Variants in RELCH observed in about 807,000 individuals in gnomAD.
The protein encoded by RELCH is RAB11 binding and LisH domain, coiled-coil and HEAT repeat containing, also known as RAB11-binding protein RELCH.
Under a neutral mutation model 150.3 loss-of-function variants are expected in RELCH, and 41 were observed. The observed-to-expected ratio is 0.27, with a 90% CI of 0.21 to 0.35. RELCH has a LOEUF of 0.35. Among genes scored for constraint, RELCH ranks in the 10% least tolerant of loss-of-function variants. The pLI, the probability that RELCH is intolerant of heterozygous loss-of-function variation, is 1.00. For missense variants in RELCH, 1,092 were observed against 1,467.8 expected (o/e 0.74, Z 4.18); for synonymous variants, 478 against 531.8 (o/e 0.90, Z 1.39).
intron 2 of RELCH, among the ~76,000 whole-genome samples, chr18:62,219,552 A>C (rs1030766182): frequency 7.3e-5 from 11 of 151,234 alleles, no homozygotes; most frequent in African/African-American, 2.7e-4. Flanking sequence ...TTCTGTACTT[A>C]CCTTACACAC....
In RELCH at chr18:62,287,265, T is replaced by A. The variant is rs149993347; in HGVS notation, c.3254-86T>A. 1.2e-4 allele frequency: 88 copies of A among 707,810 alleles called. 1 individual carries two copies. The highest frequency in any genetic ancestry group is 1.0e-3 in the Middle Eastern group (4 of 3,928). 43.8% of individuals were successfully genotyped at this position (707,810 alleles called of 1,614,324 possible). A position where few individuals can be genotyped will look rare whatever the true frequency, so the allele number is the denominator to read the frequency against. ...AGAATTAAAATGAAATTTCATAAAT[T>A]AAAGTGATAAATTATTGTTAAAGTG... On this transcript the variant is annotated intron_variant, in intron 25 of 28. Coordinates refer to ENST00000644646, the MANE Select transcript of RELCH (RefSeq NM_001346231.2).
At chr18:62,291,456 G>A (rs1600260237) in intron 26 of RELCH, 87 bp from the exon 27 acceptor site, 4 of 677,966 alleles carry the variant, frequency 5.9e-6, no homozygotes, top group East Asian at 5.9e-5. Flanking sequence ...ATATAAGAAG[G>A]CTTCTCTTTT....
At chr18:62,303,620 T>C (rs2045761735) in intron 28 of RELCH, among the ~76,000 whole-genome samples, 1 of 152,178 alleles carries the variant, frequency 6.6e-6, no homozygotes, top group Non-Finnish European at 1.5e-5. Flanking sequence ...AAAGCTAGAA[T>C]GTTAAGGAAA....
intron 7 of RELCH, 104 bp from the exon 8 acceptor site, chr18:62,228,201 C>G: frequency 4.3e-6 from 4 of 932,740 alleles, no homozygotes; most frequent in Non-Finnish European, 6.5e-6. Flanking sequence ...GCTACTAATA[C>G]TTTTAAATAT....
chr18:62,226,583 A>T (rs2148404329), intron 5 of RELCH, among the ~76,000 whole-genome samples: 1 of 152,230 alleles, frequency 6.6e-6, no homozygotes, highest in Admixed American at 6.5e-5. Flanking sequence ...AATAGGTACA[A>T]TTTATGTACT....
rs552998434 is a variant in RELCH, at chr18:62,309,341, C to T, written c.*3807C>T. On this transcript the variant is annotated 3_prime_UTR_variant, in exon 29 of 29. Coordinates refer to ENST00000644646, the MANE Select transcript of RELCH (RefSeq NM_001346231.2). The stretch of plus-strand genomic sequence containing the variant: ...TGAATTTTAGACAATTTTCATACTG[C>T]GTAAGAATGTGTTCTGTATGCATTT... The T allele has an allele frequency of 4.6e-5, 7 of 152,124 alleles. No individual in the cohort carries two copies. The highest frequency in any genetic ancestry group is 1.4e-4 in the African/African-American group (6 of 41,534). 9.4% of individuals were successfully genotyped at this position (152,124 alleles called of 1,614,324 possible).
Position 62,187,626 on chromosome 18 carries a change from C to A in RELCH, c.121C>A (p.Leu41Met). 1 of 1,537,334 alleles carries A rather than the reference C, an allele frequency of 6.5e-7. No homozygotes were observed. Among genetic ancestry groups the A allele is most frequent in the Non-Finnish European group, 8.8e-7 (1 of 1,140,334 alleles). Residue 41 changes from leucine to methionine, a missense_variant, in exon 1 of 29, where the codon CTG becomes ATG. Around this residue, in one of 4 missense-constraint regions of RELCH, gnomAD observed 138 missense variants for 124.8 expected, o/e 1.11. Coordinates refer to ENST00000644646, the MANE Select transcript of RELCH (RefSeq NM_001346231.2). ...AGAGGAACGGCGGGCAGTACTTCGG[C>A]TGGGCGCCGGAAGTGGCCTAGATCC... ...ATEERRAVLRLGAGSGLDPGS... is the reference protein window; with the variant it reads ...ATEERRAVLRMGAGSGLDPGS...
intron 1 of RELCH, among the ~76,000 whole-genome samples, chr18:62,191,746 A>G (rs2038657709): frequency 6.6e-6 from 1 of 152,192 alleles, no homozygotes; most frequent in South Asian, 2.1e-4. Flanking sequence ...CTGGCTGCAT[A>G]GTATTCCATG....
At chr18:62,283,024 CAT>C (rs1257522305) in intron 25 of RELCH, among the ~76,000 whole-genome samples, 4 of 152,118 alleles carry the variant, frequency 2.6e-5, no homozygotes, top group Non-Finnish European at 4.4e-5. Context: ...TGCTGTAAGA[CAT>C]ATGAAGAGTA....
intron 1 of RELCH, 30 bp downstream of exon 1, chr18:62,188,061 C>T (rs1297570425): frequency 6.6e-7 from 1 of 1,516,570 alleles, no homozygotes; most frequent in Non-Finnish European, 8.8e-7. Flanking sequence ...CACACTCCGG[C>T]AGGGTATTTG....
At chr18:62,197,798 GAACA>G (rs2148214179) in intron 1 of RELCH, among the ~76,000 whole-genome samples, 1 of 152,292 alleles carries the variant, frequency 6.6e-6, no homozygotes, top group East Asian at 1.9e-4. Context: ...ATGTTGGTGT[GAACA>G]AATAGAGAAA....
Position 62,305,771 on chromosome 18 carries a change from AT to A in RELCH, c.*238del. The A allele has an allele frequency of 4.1e-6, 1 of 243,702 alleles. No individual in the cohort carries two copies. Among genetic ancestry groups the A allele is most frequent in the Admixed American group, 5.4e-5 (1 of 18,434 alleles). The allele number at this position is 243,702 out of a possible 1,614,324, so 15.1% of individuals were successfully genotyped here. On this transcript the variant is annotated 3_prime_UTR_variant, in exon 29 of 29. Transcript: ENST00000644646. This position sits in a 1 kb window ranked among gnomAD's most constrained non-coding sequence, Gnocchi z 4.0. ...ATGGTCTGTACCAAGTCCCTTGTCT[AT>A]GTTCTTGTCTTTCAGAATAATTTTT...
intron 11 of RELCH, among the ~76,000 whole-genome samples, chr18:62,248,432 A>T (rs180935822): frequency 1.1e-3 from 164 of 152,306 alleles, no homozygotes; most frequent in Non-Finnish European, 2.1e-3. Context: ...TTAACAGAGG[A>T]AACGTTGCCC....
chr18:62,278,277 G>T (rs1183659529), intron 22 of RELCH, among the ~76,000 whole-genome samples: 1 of 152,074 alleles, frequency 6.6e-6, no homozygotes, highest in Admixed American at 6.6e-5. Flanking sequence ...CTTATAAAAT[G>T]ATACAGAGAA....
chr18:62,260,582 A>G (rs1415988862), intron 15 of RELCH, among the ~76,000 whole-genome samples: 1 of 151,920 alleles, frequency 6.6e-6, no homozygotes, highest in Non-Finnish European at 1.5e-5. Flanking sequence ...AAAGATATAT[A>G]CTTTCAAGGA....
intron 8 of RELCH, 29 bp from the exon 9 acceptor site, chr18:62,231,165 T>TTGTC (rs1326017053): frequency 7.4e-7 from 1 of 1,350,412 alleles, no homozygotes; most frequent in East Asian, 2.3e-5. Context: ...TTATTTGATA[T>TTGTC]TGTCTCTTTT....
intron 10 of RELCH, among the ~76,000 whole-genome samples, chr18:62,241,715 G>A (rs775388473): frequency 1.2e-4 from 18 of 152,188 alleles, no homozygotes; most frequent in Admixed American, 3.9e-4. Context: ...TACTTTTTCA[G>A]TGTGAGAGAT....
rs750626213 is a variant in RELCH, at chr18:62,187,425, G to C, written c.-81G>C. On this transcript the variant is annotated 5_prime_UTR_variant, in exon 1 of 29. Coordinates refer to ENST00000644646, the MANE Select transcript of RELCH (RefSeq NM_001346231.2). ...CAGGCCGGGGCTGTGGAGGTGCGCT[G>C]TGTCCCCTGAGGCCTAGAGGATTCG... 16 of 1,377,312 alleles carry C rather than the reference G, an allele frequency of 1.2e-5. No individual in the cohort carries two copies. Among genetic ancestry groups the C allele is most frequent in the Non-Finnish European group, 1.5e-5 (16 of 1,039,272 alleles). 85.3% of individuals were successfully genotyped at this position (1,377,312 alleles called of 1,614,324 possible).
chr18:62,222,381 T>A (rs930440150), intron 5 of RELCH, among the ~76,000 whole-genome samples: 1 of 151,962 alleles, frequency 6.6e-6, no homozygotes, highest in Admixed American at 6.6e-5. Context: ...AATGCTATAC[T>A]ATGGTTATAG....
Sources: gnomAD v4.1 joint callset for allele counts (sites outside exome capture counted in the v4.1 genomes callset) on GRCh38, gnomAD v4.1.1 for gene constraint, gnomAD v4.1.1 regional missense constraint, Gnocchi (gnomAD v3.1) non-coding constraint, MANE v1.5 for transcripts, NCBI Gene and HGNC (gene_info 2026-07-23, HGNC 2026-07-21) for gene names.